Variants in PPP5C observed in about 807,000 individuals in gnomAD.
PPP5C encodes the protein serine/threonine-protein phosphatase 5.
In PPP5C, 21 loss-of-function variants were observed where a neutral mutation model predicts 66.7. The ratio of observed to expected loss-of-function variants is 0.31; its 90% CI spans 0.22 to 0.45. The LOEUF is 0.45. PPP5C is among the 20% of genes least tolerant of loss of function. PPP5C has a pLI of 1.00. For synonymous variants in PPP5C, 246 were observed against 257.4 expected (o/e 0.96, Z 0.43); for missense variants, 464 against 675.9 (o/e 0.69, Z 3.48).
chr19:46,359,436 G>A (rs1037251826), intron 2 of PPP5C, among the ~76,000 whole-genome samples: 4 of 152,178 alleles, frequency 2.6e-5, no homozygotes, highest in South Asian at 2.1e-4. Context: ...CAATTAGGGA[G>A]CCAGCTAAAA....
In PPP5C at chr19:46,364,814, G is replaced by T. The variant is rs185604312; in HGVS notation, c.364-10790G>T. ...TTTAGGAATTTCAAGACCCTCATTT[G>T]GGCCATTGCACTTTGGGGTATCTCA... On this transcript the variant is annotated intron_variant, in intron 2 of 12. Coordinates refer to ENST00000012443, the MANE Select transcript of PPP5C (RefSeq NM_006247.4). Among the ~76,000 whole-genome samples the T allele has an allele frequency of 1.5e-3, 221 of 152,136 alleles. 1 individual carries two copies. The highest frequency in any genetic ancestry group is 4.4e-3 in the African/African-American group (184 of 41,498).
rs741231 is a variant in PPP5C, at chr19:46,390,906, C to A, written c.*560C>A. 174,292 of 1,169,906 alleles carry A rather than the reference C, an allele frequency of 0.15. 14,606 individuals carry two copies. Among genetic ancestry groups the A allele is most frequent in the East Asian group, 0.4 (6,610 of 16,696 alleles). 72.5% of individuals were successfully genotyped at this position (1,169,906 alleles called of 1,614,324 possible). A position where few individuals can be genotyped will look rare whatever the true frequency, so the allele number is the denominator to read the frequency against. On this transcript the variant is annotated 3_prime_UTR_variant, in exon 13 of 13. Transcript: ENST00000012443. ...AGCTGCCCGGGTTGGGTTACGCCTG[C>A]TCAGGAGATCCGGAGGGTGGGGAGG... is the stretch of plus-strand genomic sequence containing the variant.
chr19:46,365,362 C>G (rs996556117), intron 2 of PPP5C, among the ~76,000 whole-genome samples: 3 of 152,056 alleles, frequency 2.0e-5, no homozygotes, highest in Admixed American at 6.6e-5. Context: ...AAGTGATCCA[C>G]CTGTCTCAGC....
chr19:46,363,570 A>G (rs992598760), intron 2 of PPP5C, among the ~76,000 whole-genome samples: 18 of 151,382 alleles, frequency 1.2e-4, no homozygotes, highest in African/African-American at 4.4e-4. Flanking sequence ...CTGGGATTGC[A>G]GGCACGCACC....
At position 46,383,732 on chromosome 19, in the gene PPP5C, A is replaced by G. The variant is rs1302356465; in HGVS notation, c.700-48A>G. On this transcript the variant is annotated intron_variant, in intron 5 of 12. Transcript: ENST00000012443. This position sits in a 1 kb window ranked among gnomAD's most constrained non-coding sequence, Gnocchi z 5.0. The stretch of plus-strand genomic sequence containing the variant: ...TTCCCCTCACCTCTGCCCCCTCCCC[A>G]CGTCTCTCTCTCGGCCCGTCCCTCT... 7 of 1,468,932 alleles carry G rather than the reference A, an allele frequency of 4.8e-6. No individual in the cohort carries two copies. Among genetic ancestry groups the G allele is most frequent in the South Asian group, 4.6e-5 (4 of 87,702 alleles). 91.0% of individuals were successfully genotyped at this position (1,468,932 alleles called of 1,614,324 possible).
At chr19:46,355,929 T>G (rs1019453748) in intron 2 of PPP5C, among the ~76,000 whole-genome samples, 5 of 151,528 alleles carry the variant, frequency 3.3e-5, no homozygotes, top group African/African-American at 1.2e-4. Flanking sequence ...TTCCCCAGGG[T>G]AAGGAGCAGG....
chr19:46,383,592 C>A lies in PPP5C; in HGVS notation c.699+116C>A. The A allele has an allele frequency of 8.5e-7, 1 of 1,182,556 alleles. No homozygotes were observed. The highest frequency in any genetic ancestry group is 1.2e-6 in the Non-Finnish European group (1 of 839,186). The allele number at this position is 1,182,556 out of a possible 1,614,324, so 73.3% of individuals were successfully genotyped here. A position where few individuals can be genotyped will look rare whatever the true frequency, so the allele number is the denominator to read the frequency against. On this transcript the variant is annotated intron_variant, in intron 5 of 12. Transcript: ENST00000012443. This position sits in a 1 kb window ranked among gnomAD's most constrained non-coding sequence, Gnocchi z 5.0. The stretch of plus-strand genomic sequence containing the variant: ...CCTCCCTCTCTCCCTCACACCCCAC[C>A]CCTGTGCCTTTCCTCCTGAATATCC...
chr19:46,387,711 G>A, intron 9 of PPP5C: 1 of 1,405,212 alleles, frequency 7.1e-7, no homozygotes, highest in Non-Finnish European at 9.3e-7. Flanking sequence ...TTATTTGTGA[G>A]TTCAGCTGTG....
At chr19:46,361,624 G>T (rs894368557) in intron 2 of PPP5C, among the ~76,000 whole-genome samples, 62 of 148,502 alleles carry the variant, frequency 4.2e-4, no homozygotes, top group African/African-American at 1.4e-3. Flanking sequence ...AATTAGCCGG[G>T]CTTGGTGGCA....
rs1217542277 is a variant in PPP5C at position 46,347,156 on chromosome 19, G to A, written c.60G>A (p.Pro20=). 2 of 1,605,350 alleles carry A rather than the reference G, an allele frequency of 1.2e-6. No homozygotes were observed. The highest frequency in any genetic ancestry group is 1.7e-6 in the Non-Finnish European group (2 of 1,176,316). ...CTGAGCCCCCCCGGGACGAACCCCCGGCTGATGGAGCTCTGAAGCGGGCAG... is the reference window on the plus strand; with the variant it reads ...CTGAGCCCCCCCGGGACGAACCCCCAGCTGATGGAGCTCTGAAGCGGGCAG... ...ECAEPPRDEP[P]ADGALKRAEE... The change falls in exon 1 of 13, where the codon CCG becomes CCA. Residue 20 remains proline (P), a synonymous_variant. Transcript: ENST00000012443.
chr19:46,376,455 A>G lies in PPP5C; in HGVS notation c.514A>G (p.Ile172Val), dbSNP rs1234251272. 7 of 1,613,364 alleles carry G rather than the reference A, an allele frequency of 4.3e-6. No individual in the cohort carries two copies. The highest frequency in any genetic ancestry group is 5.1e-6 in the Non-Finnish European group (6 of 1,179,622). ...GTGTCCCGTTGTTCACACCCTAGCC[A>G]TTGAGGATGAGTACAGCGGACCCAA... ...VDSLDIESMT[I>V]EDEYSGPKLE... Residue 172 changes from isoleucine (I) to valine (V), a missense_variant and splice_region_variant, in exon 4 of 13, where the codon ATT becomes GTT. Ile to Val is a conservative substitution (Grantham distance 29). Around this residue, in one of 2 missense-constraint regions of PPP5C, gnomAD observed 387 missense variants for 626.0 expected, o/e 0.62. Transcript: ENST00000012443. The surrounding 1 kb of genome is among the most constrained non-coding windows in gnomAD (Gnocchi z 5.1).
intron 2 of PPP5C, among the ~76,000 whole-genome samples, chr19:46,362,981 G>T (rs1421491852): frequency 6.7e-6 from 1 of 150,090 alleles, no homozygotes; most frequent in Non-Finnish European, 1.5e-5. Flanking sequence ...TAGAGATGGG[G>T]TTTCACCGTG....
Position 46,389,461 on chromosome 19 carries a change from AGT to A in PPP5C, c.1356-587_1356-586del, listed in dbSNP as rs199582533. ...CACACACACACACACACACACACAC[AGT>A]GTTGATCCCTTGCCCCCACCCGAAT... On this transcript the variant is annotated intron_variant, in intron 11 of 12. Coordinates refer to ENST00000012443, the MANE Select transcript of PPP5C (RefSeq NM_006247.4). 1.0e-3 allele frequency among the ~76,000 whole-genome samples: 79 copies of A among 78,946 alleles called. 4 individuals carry two copies. The highest frequency in any genetic ancestry group is 4.9e-3 in the African/African-American group (74 of 15,172). The allele number at this position is 78,946 out of a possible 152,430, so 51.8% of individuals were successfully genotyped here.
At chr19:46,353,636 G>A (rs1972230873) in intron 1 of PPP5C, 112 bp from the exon 2 acceptor site, 2 of 1,477,590 alleles carry the variant, frequency 1.4e-6, no homozygotes, top group African/African-American at 2.8e-5. Context: ...CTGGGCTCAG[G>A]GTAGCCCTCA....
intron 7 of PPP5C, among the ~76,000 whole-genome samples, chr19:46,385,816 C>T (rs771082627): frequency 1.3e-5 from 2 of 150,530 alleles, no homozygotes; most frequent in Admixed American, 1.3e-4. Context: ...TGGCACCGTG[C>T]ACCCGTAGTC....
At position 46,376,657 on chromosome 19, in the gene PPP5C, G is replaced by A. The variant is rs114698345; in HGVS notation, c.633+83G>A. 2.9e-4 allele frequency: 456 copies of A among 1,552,178 alleles called. 4 individuals are homozygous for A. The highest frequency in any genetic ancestry group is 1.9e-3 in the South Asian group (160 of 82,486). On this transcript the variant is annotated intron_variant, in intron 4 of 12. Coordinates refer to ENST00000012443, the MANE Select transcript of PPP5C (RefSeq NM_006247.4). The surrounding 1 kb of genome is among the most constrained non-coding windows in gnomAD (Gnocchi z 5.1). ...GCCAGCCGCGGGCACTGAGCAAAAC[G>A]ACAGGAGAAGGGCGGCCATGACAGC...
intron 12 of PPP5C, 28 bp downstream of exon 12, chr19:46,390,160 C>T (rs1376660046): frequency 1.9e-6 from 3 of 1,612,142 alleles, no homozygotes; most frequent in Non-Finnish European, 2.5e-6. Flanking sequence ...GCCCCTGCCC[C>T]TTCCATCCCG....
intron 2 of PPP5C, among the ~76,000 whole-genome samples, chr19:46,366,575 G>C (rs1245953586): frequency 6.6e-6 from 1 of 152,070 alleles, no homozygotes; most frequent in African/African-American, 2.4e-5. Context: ...CGAACTCCTG[G>C]ACTTCTGCCT....
At chr19:46,360,639 T>TA (rs1972368095) in intron 2 of PPP5C, among the ~76,000 whole-genome samples, 1 of 152,214 alleles carries the variant, frequency 6.6e-6, no homozygotes, top group African/African-American at 2.4e-5. Flanking sequence ...TAGCTGGGAT[T>TA]ACAGGCATGT....
Sources: gnomAD v4.1 joint callset for allele counts (sites outside exome capture counted in the v4.1 genomes callset) on GRCh38, gnomAD v4.1.1 for gene constraint, gnomAD v4.1.1 regional missense constraint, Gnocchi (gnomAD v3.1) non-coding constraint, MANE v1.5 for transcripts, NCBI Gene and HGNC (gene_info 2026-07-23, HGNC 2026-07-21) for gene names.